The following GRIN2B variants were observed in gnomAD, a reference collection of about 807,000 sequenced individuals.
GRIN2B encodes the protein glutamate receptor ionotropic, NMDA 2B.
In GRIN2B, 5 loss-of-function variants were observed where a neutral mutation model predicts 114.5. That is an observed-to-expected ratio of 0.04 (90% CI 0.02 to 0.09). The LOEUF is 0.09. Among genes scored for constraint, GRIN2B ranks in the 10% least tolerant of loss-of-function variants. The pLI is 1.00. For synonymous variants in GRIN2B, 787 were observed against 745.1 expected (o/e 1.06, Z -0.92); for missense variants, 1,108 against 1,943.5 (o/e 0.57, Z 8.08).
At position 13,753,222 on chromosome 12, in the gene GRIN2B, G is replaced by C; in HGVS notation, c.1010+95C>G. 1 of 831,710 alleles carries C rather than the reference G, an allele frequency of 1.2e-6. No individual in the cohort carries two copies. Among genetic ancestry groups the C allele is most frequent in the South Asian group, 1.3e-5 (1 of 74,906 alleles). The allele number at this position is 831,710 out of a possible 1,614,324, so 51.5% of individuals were successfully genotyped here. A position where few individuals can be genotyped will look rare whatever the true frequency, so the allele number is the denominator to read the frequency against. On this transcript the variant is annotated intron_variant, in intron 4 of 13. Transcript: ENST00000609686. This position sits in a 1 kb window ranked among gnomAD's most constrained non-coding sequence, Gnocchi z 6.2. ...CCAGGCTTCAACCTGCTACCGTCTT[G>C]AACTGTTCTTCCTGCAGTTTCTGAA...
intron 5 of GRIN2B, among the ~76,000 whole-genome samples, chr12:13,640,773 G>C (rs1246184730): frequency 6.6e-6 from 1 of 152,052 alleles, no homozygotes; most frequent in Non-Finnish European, 1.5e-5. Context: ...GTACCTGCAG[G>C]AACCAAAATG....
intron 5 of GRIN2B, among the ~76,000 whole-genome samples, chr12:13,655,789 C>T (rs1949858106): frequency 6.6e-6 from 1 of 152,214 alleles, no homozygotes; most frequent in Admixed American, 6.5e-5. Flanking sequence ...TACTGACATA[C>T]TGTAGACATA....
intron 3 of GRIN2B, among the ~76,000 whole-genome samples, chr12:13,829,871 T>C (rs147061688): frequency 1.3e-3 from 201 of 152,344 alleles, no homozygotes; most frequent in Non-Finnish European, 2.2e-3. Flanking sequence ...AGAAAGGACC[T>C]GCCTCAAAGA....
chr12:13,612,046 C>T (rs544694891), intron 8 of GRIN2B, among the ~76,000 whole-genome samples, 196 bp from the exon 9 acceptor site: 1 of 152,362 alleles, frequency 6.6e-6, no homozygotes, highest in Non-Finnish European at 1.5e-5. Flanking sequence ...CCTTCAAATA[C>T]ATGAGAAGGA....
At chr12:13,696,084 G>C (rs1950256689) in intron 4 of GRIN2B, among the ~76,000 whole-genome samples, 4 of 152,164 alleles carry the variant, frequency 2.6e-5, no homozygotes, top group Non-Finnish European at 5.9e-5. Flanking sequence ...AAGGTCAAAG[G>C]TGAGCTGACT....
chr12:13,707,818 AAG>A (rs1173924298), intron 4 of GRIN2B, among the ~76,000 whole-genome samples: 4 of 152,128 alleles, frequency 2.6e-5, no homozygotes, highest in African/African-American at 9.6e-5. Flanking sequence ...AATGCCTGAA[AAG>A]AAGGAATGAA....
At chr12:13,706,366 T>C (rs1367503136) in intron 4 of GRIN2B, among the ~76,000 whole-genome samples, 6 of 152,166 alleles carry the variant, frequency 3.9e-5, no homozygotes, top group Non-Finnish European at 1.5e-5. Flanking sequence ...GAAAAATGCA[T>C]AAACTCATAC....
chr12:13,968,891 T>C (rs1182650577), intron 2 of GRIN2B, among the ~76,000 whole-genome samples: 29 of 152,198 alleles, frequency 1.9e-4, no homozygotes, highest in Admixed American at 1.9e-3. Flanking sequence ...AGTTTGCAAA[T>C]GGGTTTGAGA....
chr12:13,612,625 T>C (rs1182963278), intron 8 of GRIN2B, among the ~76,000 whole-genome samples: 1 of 152,344 alleles, frequency 6.6e-6, no homozygotes, highest in South Asian at 2.1e-4. Flanking sequence ...CTGGGCAAGG[T>C]AGCAAGAATG....
At chr12:13,822,642 C>G (rs1430486098) in intron 3 of GRIN2B, among the ~76,000 whole-genome samples, 1 of 151,964 alleles carries the variant, frequency 6.6e-6, no homozygotes, top group Non-Finnish European at 1.5e-5. Context: ...TACAAAAACA[C>G]AGTGATAAAA....
chr12:13,914,238 C>T (rs769718566), intron 2 of GRIN2B, among the ~76,000 whole-genome samples: 1 of 152,082 alleles, frequency 6.6e-6, no homozygotes, highest in Non-Finnish European at 1.5e-5. Flanking sequence ...TCCTCCCCAC[C>T]CCTAAAGCCA....
intron 4 of GRIN2B, among the ~76,000 whole-genome samples, chr12:13,712,195 C>T (rs1480174417): frequency 8.0e-6 from 1 of 124,650 alleles, no homozygotes; most frequent in Admixed American, 1.2e-4. Flanking sequence ...CACATGGACA[C>T]AGGAAGGGGA....
At chr12:13,833,718 C>A (rs1027137085) in intron 3 of GRIN2B, among the ~76,000 whole-genome samples, 3 of 152,180 alleles carry the variant, frequency 2.0e-5, no homozygotes, top group African/African-American at 4.8e-5. Context: ...ACAGCCCCCA[C>A]TTCACTCCCA....
chr12:13,825,576 G>A (rs1330186655), intron 3 of GRIN2B, among the ~76,000 whole-genome samples: 1 of 148,656 alleles, frequency 6.7e-6, no homozygotes, highest in African/African-American at 2.5e-5. Flanking sequence ...GAGTGCAATG[G>A]CCCGATGTCG....
chr12:13,818,498 T>A (rs933568536), intron 3 of GRIN2B, among the ~76,000 whole-genome samples: 1 of 152,224 alleles, frequency 6.6e-6, no homozygotes, highest in South Asian at 2.1e-4. Context: ...ACAGGTAAGT[T>A]GAGGAAACAC....
chr12:13,755,060 T>A (rs2136630805), intron 3 of GRIN2B, among the ~76,000 whole-genome samples: 1 of 152,316 alleles, frequency 6.6e-6, no homozygotes, highest in Non-Finnish European at 1.5e-5. Flanking sequence ...GTGCCCCTTA[T>A]CTTCTATCCC....
intron 4 of GRIN2B, among the ~76,000 whole-genome samples, chr12:13,729,397 A>T (rs1863044613): frequency 6.6e-6 from 1 of 151,970 alleles, no homozygotes; most frequent in African/African-American, 2.4e-5. Flanking sequence ...TCCCGTTTTT[A>T]TGTAGCTCTC....
Position 13,810,219 on chromosome 12 carries a change from A to ATT in GRIN2B, c.411+55577_411+55578dup, listed in dbSNP as rs35175755. 5.4e-3 allele frequency among the ~76,000 whole-genome samples: 739 copies of ATT among 137,460 alleles called. 2 individuals carry two copies. Among genetic ancestry groups the ATT allele is most frequent in the South Asian group, 0.012 (52 of 4,264 alleles). The allele number at this position is 137,460 out of a possible 152,430, so 90.2% of individuals were successfully genotyped here. A position where few individuals can be genotyped will look rare whatever the true frequency, so the allele number is the denominator to read the frequency against. ...ATAGTACTTAATTCTGTCTCAAATC[A>ATT]TTTTTTTTTTTTTCGAGACAGAGGC... On this transcript the variant is annotated intron_variant, in intron 3 of 13. Coordinates refer to ENST00000609686, the MANE Select transcript of GRIN2B (RefSeq NM_000834.5).
intron 3 of GRIN2B, among the ~76,000 whole-genome samples, chr12:13,808,814 T>C (rs986501182): frequency 6.6e-6 from 1 of 150,980 alleles, no homozygotes; most frequent in East Asian, 2.0e-4. Flanking sequence ...CCGAGCCCTA[T>C]AGAGTTCAGC....
Sources: gnomAD v4.1 joint callset for allele counts (sites outside exome capture counted in the v4.1 genomes callset) on GRCh38, gnomAD v4.1.1 for gene constraint, Gnocchi (gnomAD v3.1) non-coding constraint, MANE v1.5 for transcripts, NCBI Gene and HGNC (gene_info 2026-07-23, HGNC 2026-07-21) for gene names.